SH3GL2: variants seen among roughly 807,000 people sequenced by gnomAD.
SH3GL2 encodes the protein endophilin-A1.
SH3GL2 carries 24 observed loss-of-function variants against 46.0 expected under a neutral mutation model. The observed-to-expected ratio is 0.52, with a 90% CI of 0.38 to 0.73. The LOEUF is 0.73. Among genes scored for constraint, SH3GL2 ranks in the 30% least tolerant of loss-of-function variants. The pLI is 0.00. For missense variants in SH3GL2, 413 were observed against 424.2 expected, an observed-to-expected ratio of 0.97 and a Z score of 0.23; for synonymous variants, 196 against 147.1, an observed-to-expected ratio of 1.33 and a Z score of -2.40.
intron 1 of SH3GL2, among the ~76,000 whole-genome samples, chr9:17,593,840 C>T (rs1588161604): frequency 6.6e-6 from 1 of 152,158 alleles, no homozygotes; most frequent in African/African-American, 2.4e-5. Flanking sequence ...GGCACAAGAT[C>T]AGTAGGAGCC....
chr9:17,787,211 G>A (rs896585842), intron 4 of SH3GL2, among the ~76,000 whole-genome samples, 169 bp from the exon 5 acceptor site: 1 of 152,120 alleles, frequency 6.6e-6, no homozygotes, highest in Non-Finnish European at 1.5e-5. Context: ...CCCTCTTAGG[G>A]GGCATTGAGT....
intron 1 of SH3GL2, among the ~76,000 whole-genome samples, chr9:17,678,889 A>C (rs1336194365): frequency 6.6e-6 from 1 of 152,090 alleles, no homozygotes; most frequent in Non-Finnish European, 1.5e-5. Flanking sequence ...TAAATAGGGA[A>C]TCCTTTCCCC....
chr9:17,700,079 A>G (rs1040927839), intron 1 of SH3GL2, among the ~76,000 whole-genome samples: 3 of 145,204 alleles, frequency 2.1e-5, no homozygotes, highest in African/African-American at 5.4e-5. Flanking sequence ...GGCTACCACA[A>G]TCTCAGAAGA....
intron 1 of SH3GL2, among the ~76,000 whole-genome samples, chr9:17,674,026 T>C (rs1308863746): frequency 6.6e-6 from 1 of 152,226 alleles, no homozygotes; most frequent in Non-Finnish European, 1.5e-5. Flanking sequence ...CCTCTTTCCT[T>C]GTGTGGCTCT....
At chr9:17,721,500 G>C (rs1349286513) in intron 1 of SH3GL2, among the ~76,000 whole-genome samples, 1 of 151,856 alleles carries the variant, frequency 6.6e-6, no homozygotes, top group African/African-American at 2.4e-5. Context: ...CATTTTAAAT[G>C]GTTGCTGTGT....
intron 1 of SH3GL2, among the ~76,000 whole-genome samples, chr9:17,733,139 C>T (rs979369870): frequency 5.3e-5 from 8 of 152,118 alleles, no homozygotes; most frequent in African/African-American, 1.4e-4. Context: ...CAGACCTCCT[C>T]TTTCCTACAA....
At chr9:17,602,830 T>G (rs1818695522) in intron 1 of SH3GL2, among the ~76,000 whole-genome samples, 1 of 152,178 alleles carries the variant, frequency 6.6e-6, no homozygotes, top group South Asian at 2.1e-4. Context: ...AACTGCAGGA[T>G]GCTTAAAGAA....
rs147063551 is a variant in SH3GL2 at position 17,668,303 on chromosome 9, G to A, written c.46-78763G>A. Among the ~76,000 whole-genome samples, 64 of 152,322 alleles carry A rather than the reference G, an allele frequency of 4.2e-4. No homozygotes were observed. In the East Asian group the frequency reaches 0.012, roughly 29 times the overall value. On this transcript the variant is annotated intron_variant, in intron 1 of 8. Transcript: ENST00000380607. ...TTTGAGTTAATTTTGTGTAAAGTGT[G>A]TGGTAGGTGTCCAGCTTCATTCTTT... is the stretch of plus-strand genomic sequence containing the variant.
intron 2 of SH3GL2, among the ~76,000 whole-genome samples, chr9:17,750,948 A>C (rs2891112): frequency 0.72 from 109,905 of 152,060 alleles, 40,027 homozygotes; most frequent in East Asian, 0.89. Flanking sequence ...CCCATGGAAT[A>C]TTCAGGCTGG....
intron 1 of SH3GL2, among the ~76,000 whole-genome samples, chr9:17,700,902 A>G (rs1360705142): frequency 1.3e-5 from 2 of 152,354 alleles, no homozygotes; most frequent in African/African-American, 4.8e-5. Flanking sequence ...AAATAGAACC[A>G]TATCAGAGTA....
chr9:17,678,144 A>G (rs942225678), intron 1 of SH3GL2, among the ~76,000 whole-genome samples: 6 of 152,126 alleles, frequency 3.9e-5, no homozygotes, highest in Non-Finnish European at 8.8e-5. Flanking sequence ...CTTTGGGTAT[A>G]TACCCAGTAA....
At chr9:17,628,165 A>G (rs1819328102) in intron 1 of SH3GL2, among the ~76,000 whole-genome samples, 1 of 152,210 alleles carries the variant, frequency 6.6e-6, no homozygotes, top group Non-Finnish European at 1.5e-5. Context: ...ATCATTCAAA[A>G]TAATAGACTG....
chr9:17,702,027 A>G (rs1570783), intron 1 of SH3GL2, among the ~76,000 whole-genome samples: 12,164 of 152,118 alleles, frequency 0.08, 636 homozygotes, highest in Admixed American at 0.14. Flanking sequence ...GCCCTAATAT[A>G]TATTTAAAAA....
chr9:17,747,697 T>TG (rs1822733461), intron 2 of SH3GL2, among the ~76,000 whole-genome samples: 1 of 152,116 alleles, frequency 6.6e-6, no homozygotes, highest in African/African-American at 2.4e-5. Flanking sequence ...TTTTTTGAGA[T>TG]GGAGTCTTGC....
rs567356000 is a variant in SH3GL2, at chr9:17,586,687, C to T, written c.45+7400C>T. On this transcript the variant is annotated intron_variant, in intron 1 of 8. Transcript: ENST00000380607. ...AGTACAGAGCAAAGTGGGGTAAAAG[C>T]CCCTTATAAAACCGTCAGCTCTCGT... Among the ~76,000 whole-genome samples the T allele has an allele frequency of 1.9e-4, 29 of 152,200 alleles. No individual in the cohort carries two copies. In the South Asian group the frequency reaches 5.6e-3, roughly 29 times the overall value.
chr9:17,757,651 G>A (rs1396476089), intron 2 of SH3GL2, among the ~76,000 whole-genome samples: 1 of 152,080 alleles, frequency 6.6e-6, no homozygotes, highest in Non-Finnish European at 1.5e-5. Flanking sequence ...AATAGTAATT[G>A]GAAATTTTGG....
intron 3 of SH3GL2, among the ~76,000 whole-genome samples, chr9:17,778,143 G>C (rs748934019): frequency 7.9e-5 from 12 of 152,118 alleles, no homozygotes; most frequent in Admixed American, 3.3e-4. Context: ...GCACGGTGCT[G>C]GATACTCTAA....
chr9:17,669,070 C>T (rs753299435), intron 1 of SH3GL2, among the ~76,000 whole-genome samples: 1 of 152,114 alleles, frequency 6.6e-6, no homozygotes. Flanking sequence ...GTCCGTTTCT[C>T]TGTTTATGTA....
At chr9:17,725,825 G>A (rs561294116) in intron 1 of SH3GL2, among the ~76,000 whole-genome samples, 1 of 152,154 alleles carries the variant, frequency 6.6e-6, no homozygotes, top group Non-Finnish European at 1.5e-5. Context: ...ATGGCTGGGG[G>A]TTGAATAGGC....
Sources: gnomAD v4.1 joint callset for allele counts (sites outside exome capture counted in the v4.1 genomes callset) on GRCh38, gnomAD v4.1.1 for gene constraint, MANE v1.5 for transcripts, NCBI Gene and HGNC (gene_info 2026-07-23, HGNC 2026-07-21) for gene names.